FSD2: variants seen among roughly 807,000 people sequenced by gnomAD.
FSD2 encodes the protein fibronectin type III and SPRY domain containing 2, also known as fibronectin type III and SPRY domain-containing protein 2.
Under a neutral mutation model 80.4 loss-of-function variants are expected in FSD2, and 71 were observed. The observed-to-expected ratio is 0.88, with a 90% CI of 0.73 to 1.08. The LOEUF is 1.08. Among genes scored for constraint, FSD2 ranks in the 50% least tolerant of loss-of-function variants. The probability of loss-of-function intolerance (pLI) is 0.00; values close to 1 mark genes in which losing one functional copy is unlikely to be tolerated. For missense variants in FSD2, 923 were observed against 913.8 expected (o/e 1.01, Z -0.13); for synonymous variants, 361 against 329.5 (o/e 1.10, Z -1.03).
At chr15:82,787,551 A>G in intron 1 of FSD2, 83 bp from the exon 2 acceptor site, 1 of 602,732 alleles carries the variant, frequency 1.7e-6, no homozygotes, top group Non-Finnish European at 2.7e-6. Context: ...CTACTCATAT[A>G]AAACTTTAAA....
In FSD2 at chr15:82,787,310, A is replaced by T. The variant is rs1392191485; in HGVS notation, c.81T>A (p.Tyr27Ter). The change falls in exon 2 of 13, where the codon TAT (tyrosine) becomes TAA (stop). Residue 27 changes from tyrosine to a stop codon, truncating the protein, a stop_gained. Transcript: ENST00000334574. LOFTEE classifies it high-confidence loss of function. ...AGAGGTGCAGTCTGTCTTCAGAGTC[A>T]TACAGGTCCATGTGGTAAAAGTGGA... ...KDFHFYHMDL[Y>*]DSEDRLHLFP... is the part of the protein sequence containing the mutation. 1 of 1,613,920 alleles carries T rather than the reference A, an allele frequency of 6.2e-7. No individual in the cohort carries two copies. Among genetic ancestry groups the T allele is most frequent in the Non-Finnish European group, 8.5e-7 (1 of 1,179,878 alleles).
intron 5 of FSD2, among the ~76,000 whole-genome samples, chr15:82,779,945 G>A (rs1201736988): frequency 6.6e-6 from 1 of 152,068 alleles, no homozygotes; most frequent in Non-Finnish European, 1.5e-5. Context: ...GGGGATGTTG[G>A]GGGTACTCCA....
At position 82,772,243 on chromosome 15, in the gene FSD2, G is replaced by GAAA. The variant is rs776251391; in HGVS notation, c.1112-18_1112-16dup. The GAAA allele has an allele frequency of 1.3e-6, 2 of 1,596,810 alleles. No individual in the cohort carries two copies. Among genetic ancestry groups the GAAA allele is most frequent in the East Asian group, 4.5e-5 (2 of 44,314 alleles). ...AGCAGAAGGAGCTAGGAAAAGAAAA[G>GAAA]AAAAAAGAAGAGGAACCTCTAATAG... On this transcript the variant is annotated splice_polypyrimidine_tract_variant and intron_variant, in intron 6 of 12. Coordinates refer to ENST00000334574, the MANE Select transcript of FSD2 (RefSeq NM_001007122.4).
chr15:82,805,086 A>G (rs1292002967), intron 1 of FSD2, among the ~76,000 whole-genome samples: 2 of 152,022 alleles, frequency 1.3e-5, no homozygotes, highest in Admixed American at 6.6e-5. Flanking sequence ...ATGTTTGTCT[A>G]AGGCTTATAT....
Position 82,787,018 on chromosome 15 carries a change from C to T in FSD2, c.373G>A (p.Glu125Lys), listed in dbSNP as rs2050017393. 6.2e-7 allele frequency: 1 copy of T among 1,613,908 alleles called. No individual in the cohort carries two copies. The highest frequency in any genetic ancestry group is 1.1e-5 in the South Asian group (1 of 91,088). Residue 125 changes from glutamate to lysine, a missense_variant, in exon 2 of 13, where the codon GAG (glutamate) becomes AAG (lysine). Glu to Lys is a moderately conservative substitution (Grantham distance 56). Transcript: ENST00000334574. ...REQRDWRLSG[E>K]AAEAEDLGFG... Reference sequence around the variant, plus strand: ...CCCAGGTCCTCGGCCTCCGCTGCCTCTCCACTAAGTCTCCAGTCTCTCTGC... The same window carrying T: ...CCCAGGTCCTCGGCCTCCGCTGCCTTTCCACTAAGTCTCCAGTCTCTCTGC...
At chr15:82,774,084 C>T (rs2151501416) in intron 6 of FSD2, among the ~76,000 whole-genome samples, 1 of 152,070 alleles carries the variant, frequency 6.6e-6, no homozygotes, top group Admixed American at 6.6e-5. Flanking sequence ...TATTTTATTT[C>T]AATTTTTTGA....
At chr15:82,789,138 T>A (rs1218359148) in intron 1 of FSD2, among the ~76,000 whole-genome samples, 1 of 152,070 alleles carries the variant, frequency 6.6e-6, no homozygotes, top group Admixed American at 6.6e-5. Context: ...CAAAAACTTT[T>A]GTTTTTGAAA....
intron 1 of FSD2, among the ~76,000 whole-genome samples, chr15:82,805,669 TCTAA>T (rs1022742198): frequency 1.3e-5 from 2 of 152,204 alleles, no homozygotes; most frequent in African/African-American, 2.4e-5. Context: ...ACCAAATGGT[TCTAA>T]CTAATGGGTC....
intron 10 of FSD2, 38 bp downstream of exon 10, chr15:82,765,860 C>T: frequency 6.4e-7 from 1 of 1,574,590 alleles, no homozygotes; most frequent in Non-Finnish European, 8.6e-7. Context: ...AGAGTGGCCA[C>T]TTTGGGTCCC....
intron 1 of FSD2, among the ~76,000 whole-genome samples, chr15:82,799,732 A>G (rs2050365301): frequency 6.6e-6 from 1 of 152,096 alleles, no homozygotes; most frequent in Admixed American, 6.5e-5. Flanking sequence ...TCCTCCTCTC[A>G]ATAAGGTTTC....
intron 6 of FSD2, among the ~76,000 whole-genome samples, chr15:82,776,455 T>A (rs2049715254): frequency 6.6e-6 from 1 of 152,158 alleles, no homozygotes; most frequent in South Asian, 2.1e-4. Flanking sequence ...TTTGTACATG[T>A]CCATTAGGTC....
At chr15:82,773,488 G>T (rs1157971512) in intron 6 of FSD2, among the ~76,000 whole-genome samples, 1 of 152,208 alleles carries the variant, frequency 6.6e-6, no homozygotes, top group Non-Finnish European at 1.5e-5. Flanking sequence ...ACTAGATGCA[G>T]GCAGGAAGGT....
At chr15:82,769,612 G>T in intron 8 of FSD2, 138 bp downstream of exon 8, 3 of 1,060,724 alleles carry the variant, frequency 2.8e-6, no homozygotes, top group Non-Finnish European at 3.9e-6. Flanking sequence ...GATTTTGTGT[G>T]TTAAATAAAA....
rs760226384 is a variant in FSD2, at chr15:82,769,714, T to C, written c.1402+36A>G. ...CCCATGACTCCTGTGTCCGCTTGAA[T>C]GAAAGCCCTGCTATAGGAAATGAGT... On this transcript the variant is annotated intron_variant, in intron 8 of 12. Transcript: ENST00000334574. The C allele has an allele frequency of 5.1e-6, 8 of 1,582,778 alleles. No individual in the cohort carries two copies. The South Asian group carries it at 7.9e-5, about 16-fold the overall frequency.
rs1437122263 is a variant in FSD2 at position 82,759,279 on chromosome 15, G to A, written c.*69C>T. ...ACATGGTGCTTAAGTGCCAGGTTCA[G>A]CCAGCTAAGGCGTGAGCAGCTGCGA... is the stretch of plus-strand genomic sequence containing the variant. On this transcript the variant is annotated 3_prime_UTR_variant, in exon 13 of 13. Transcript: ENST00000334574. 2.0e-6 allele frequency: 3 copies of A among 1,535,590 alleles called. No homozygotes were observed. The highest frequency in any genetic ancestry group is 3.8e-5 in the Admixed American group (2 of 52,250).
At chr15:82,775,267 G>A (rs1269928987) in intron 6 of FSD2, among the ~76,000 whole-genome samples, 3 of 151,604 alleles carry the variant, frequency 2.0e-5, no homozygotes, top group Non-Finnish European at 4.4e-5. Context: ...GCATGGTAGC[G>A]GGTGCCTGTA....
At chr15:82,770,473 C>T (rs1469336306) in intron 7 of FSD2, among the ~76,000 whole-genome samples, 4 of 152,106 alleles carry the variant, frequency 2.6e-5, no homozygotes, top group Non-Finnish European at 5.9e-5. Context: ...AGATCGAGAC[C>T]ATCCTGGCTA....
At chr15:82,771,106 C>G (rs2049558744) in intron 7 of FSD2, among the ~76,000 whole-genome samples, 1 of 152,154 alleles carries the variant, frequency 6.6e-6, no homozygotes, top group Non-Finnish European at 1.5e-5. Flanking sequence ...CAAGAATTCC[C>G]CTTCTTTCCT....
Position 82,787,471 on chromosome 15 carries a change from G to T in FSD2, c.-78-3C>A. The T allele has an allele frequency of 7.3e-7, 1 of 1,376,788 alleles. No homozygotes were observed. The highest frequency in any genetic ancestry group is 2.3e-5 in the East Asian group (1 of 43,164). The allele number at this position is 1,376,788 out of a possible 1,614,324, so 85.3% of individuals were successfully genotyped here. A position where few individuals can be genotyped will look rare whatever the true frequency, so the allele number is the denominator to read the frequency against. ...ACTTAATAGTGAATATCTGGGCCCT[G>T]GAACACAAAAGGAGGAGGAAAATCA... On this transcript the variant is annotated splice_region_variant and splice_polypyrimidine_tract_variant and intron_variant, in intron 1 of 12. Coordinates refer to ENST00000334574, the MANE Select transcript of FSD2 (RefSeq NM_001007122.4).
Sources: allele counts gnomAD v4.1 joint callset (sites outside exome capture counted in the v4.1 genomes callset), GRCh38; gene constraint gnomAD v4.1.1; transcripts MANE v1.5; gene names NCBI Gene and HGNC (gene_info 2026-07-23, HGNC 2026-07-21).